Variants in TENM2 observed in about 807,000 individuals in gnomAD.
TENM2 encodes teneurin-2.
In TENM2, 52 loss-of-function variants were observed where a neutral mutation model predicts 245.2. The ratio of observed to expected loss-of-function variants is 0.21; its 90% CI spans 0.17 to 0.27. The LOEUF (loss-of-function observed/expected upper bound fraction) is 0.27. TENM2 is among the 10% of genes least tolerant of loss of function. TENM2 has a pLI of 1.00. For synonymous variants in TENM2, 1,363 were observed against 1,438.9 expected (o/e 0.95, Z 1.19); for missense variants, 3,046 against 3,666.8 (o/e 0.83, Z 4.37).
intron 1 of TENM2, among the ~76,000 whole-genome samples, chr5:167,329,108 A>T (rs1262690561): frequency 4.6e-5 from 7 of 152,186 alleles, no homozygotes; most frequent in Non-Finnish European, 2.9e-5. Flanking sequence ...TTGTTGAGTT[A>T]TTGGCTTCAT....
intron 2 of TENM2, among the ~76,000 whole-genome samples, chr5:167,748,075 A>C (rs917579790): frequency 6.6e-6 from 1 of 152,176 alleles, no homozygotes; most frequent in Admixed American, 6.5e-5. Context: ...TTGAACATGT[A>C]CTTTCCTGTA....
rs374556942 is a variant in TENM2 at position 168,102,984 on chromosome 5, C to T, written c.1813+4857C>T. 5.3e-5 allele frequency among the ~76,000 whole-genome samples: 8 copies of T among 152,216 alleles called. No homozygotes were observed. In the South Asian group the frequency reaches 8.3e-4, roughly 16 times the overall value. On this transcript the variant is annotated intron_variant, in intron 9 of 28. Transcript: ENST00000518659. The stretch of plus-strand genomic sequence containing the variant: ...CATGTTGGTGTGCTGCACCCATTAA[C>T]TCATCATTTAACATTAGGTATGTCT...
At chr5:167,001,228 A>G in the TENM2 span, among the ~76,000 whole-genome samples, 1 of 152,182 alleles carries the variant, frequency 6.6e-6, no homozygotes, top group Admixed American at 6.5e-5. Context: ...TTGTCTTTAC[A>G]TGCAAGCCTT....
chr5:167,801,503 C>CT (rs950322617), intron 2 of TENM2, among the ~76,000 whole-genome samples: 8 of 151,854 alleles, frequency 5.3e-5, no homozygotes, highest in African/African-American at 1.9e-4. Flanking sequence ...GAACAGAAGG[C>CT]TACAGGATGG....
chr5:168,148,567 T>G (rs1459523088), intron 12 of TENM2, among the ~76,000 whole-genome samples: 1 of 152,200 alleles, frequency 6.6e-6, no homozygotes, highest in Non-Finnish European at 1.5e-5. Flanking sequence ...TTCACGATAA[T>G]TCAGGGTTCC....
exon 2 of TENM2, chr5:167,375,225 G>T (rs1390561235): frequency 1.9e-6 from 3 of 1,551,664 alleles, no homozygotes; most frequent in Non-Finnish European, 8.7e-7. Context: ...GCCGAACTGG[G>T]CATCTGTGAG....
At chr5:167,043,814 G>C in the TENM2 span, among the ~76,000 whole-genome samples, 1 of 152,150 alleles carries the variant, frequency 6.6e-6, no homozygotes, top group Non-Finnish European at 1.5e-5. Context: ...ACAAGGTCAA[G>C]TGATCGAGAC....
the TENM2 span, among the ~76,000 whole-genome samples, chr5:166,991,452 C>T: frequency 6.6e-6 from 1 of 151,464 alleles, no homozygotes; most frequent in East Asian, 1.9e-4. Flanking sequence ...TGTTTCAGAC[C>T]TAGTAATTTA....
chr5:167,862,270 C>T (rs370095152), intron 2 of TENM2, among the ~76,000 whole-genome samples: 3 of 143,328 alleles, frequency 2.1e-5, no homozygotes, highest in Non-Finnish European at 3.0e-5. Context: ...TGTGTGTGTG[C>T]ATATGTACAT....
intron 2 of TENM2, among the ~76,000 whole-genome samples, chr5:167,442,812 T>C (rs970658025): frequency 5.3e-5 from 8 of 152,118 alleles, no homozygotes; most frequent in African/African-American, 1.4e-4. Context: ...TATGGTCAAA[T>C]TTTCAGTGAG....
chr5:167,453,055 C>T (rs982191519), intron 2 of TENM2, among the ~76,000 whole-genome samples: 2 of 147,806 alleles, frequency 1.4e-5, no homozygotes, highest in African/African-American at 2.5e-5. Context: ...AAGTTTTTGA[C>T]AGCATGTCAG....
At chr5:167,999,313 A>C (rs906437169) in intron 5 of TENM2, among the ~76,000 whole-genome samples, 1 of 152,254 alleles carries the variant, frequency 6.6e-6, no homozygotes, top group Non-Finnish European at 1.5e-5. Context: ...AAACTGAGAA[A>C]AAGAGAGCTG....
chr5:167,242,411 T>G, the TENM2 span, among the ~76,000 whole-genome samples: 6 of 149,058 alleles, frequency 4.0e-5, no homozygotes, highest in African/African-American at 1.5e-4. Flanking sequence ...ACGTAGTAAA[T>G]ACTGATTAAC....
chr5:167,762,712 A>G (rs1762762116), intron 2 of TENM2, among the ~76,000 whole-genome samples: 1 of 152,242 alleles, frequency 6.6e-6, no homozygotes, highest in Admixed American at 6.5e-5. Context: ...AAGTAGCATC[A>G]GCATGCAGGG....
In TENM2 at chr5:168,226,260, C is replaced by T; in HGVS notation, c.5281C>T (p.Gln1761Ter). ...AGTAGAGGCCTCCTACACAGTGGTA[C>T]AAGGTGAGCCTCCACCCATACCATC... Residue 1761 changes from glutamine (Q) to a stop codon, truncating the protein, a stop_gained, in exon 24 of 29, where the codon CAA becomes TAA. Coordinates refer to ENST00000518659, the Ensembl canonical transcript of TENM2. LOFTEE classifies it high-confidence loss of function. 6.2e-7 allele frequency: 1 copy of T among 1,612,442 alleles called. No homozygotes were observed. The highest frequency in any genetic ancestry group is 8.5e-7 in the Non-Finnish European group (1 of 1,179,084).
intron 2 of TENM2, among the ~76,000 whole-genome samples, chr5:167,588,721 C>T (rs1006973591): frequency 2.0e-5 from 3 of 152,204 alleles, no homozygotes; most frequent in Non-Finnish European, 4.4e-5. Flanking sequence ...AATTACTGAA[C>T]TCATGGAAAT....
the TENM2 span, among the ~76,000 whole-genome samples, chr5:167,190,821 A>G: frequency 1.3e-5 from 2 of 152,112 alleles, no homozygotes; most frequent in East Asian, 3.9e-4. Flanking sequence ...GTTGCTAACG[A>G]AACAGGTGGA....
chr5:167,933,921 ATTG>A (rs1778489579), intron 3 of TENM2, among the ~76,000 whole-genome samples: 2 of 152,242 alleles, frequency 1.3e-5, no homozygotes, highest in South Asian at 4.1e-4. Flanking sequence ...AAAATTAGCA[ATTG>A]TTATTATTAT....
chr5:167,877,223 A>G (rs781118257), intron 3 of TENM2, among the ~76,000 whole-genome samples: 5 of 152,160 alleles, frequency 3.3e-5, no homozygotes, highest in Non-Finnish European at 7.3e-5. Context: ...TTTAGGCTCC[A>G]TCCAGGAGTA....
Sources: gnomAD v4.1 joint callset for allele counts (sites outside exome capture counted in the v4.1 genomes callset) on GRCh38, gnomAD v4.1.1 for gene constraint, MANE v1.5 for transcripts, NCBI Gene and HGNC (gene_info 2026-07-23, HGNC 2026-07-21) for gene names.